TFEC: variants seen among roughly 807,000 people sequenced by gnomAD.
The protein encoded by TFEC is class E basic helix-loop-helix protein 34.
TFEC carries 31 observed loss-of-function variants against 41.6 expected under a neutral mutation model. The ratio of observed to expected loss-of-function variants is 0.74; its 90% CI spans 0.56 to 1.01. TFEC has a LOEUF of 1.01. Ranked by LOEUF, TFEC falls within the 50% of genes least tolerant of loss-of-function variation. TFEC has a pLI of 0.00. For synonymous variants in TFEC, 143 were observed against 140.6 expected, an observed-to-expected ratio of 1.02 and a Z score of -0.12; for missense variants, 402 against 404.1, an observed-to-expected ratio of 0.99 and a Z score of 0.04.
chr7:116,063,964 T>G (rs1050783377), intron 3 of TFEC, among the ~76,000 whole-genome samples: 3 of 152,022 alleles, frequency 2.0e-5, no homozygotes, highest in Non-Finnish European at 4.4e-5. Flanking sequence ...GTACCCAAAG[T>G]GAAATAAGCC....
chr7:116,146,196 CAAGT>C (rs1384338940), intron 1 of TFEC, among the ~76,000 whole-genome samples: 1 of 152,146 alleles, frequency 6.6e-6, no homozygotes, highest in Non-Finnish European at 1.5e-5. Context: ...TCTACAAAGA[CAAGT>C]AAGTCTCAGA....
chr7:116,147,210 AT>A (rs777935130), intron 1 of TFEC, among the ~76,000 whole-genome samples: 24 of 152,208 alleles, frequency 1.6e-4, no homozygotes, highest in Non-Finnish European at 2.9e-4. Context: ...ACATTTCCTA[AT>A]ATGATGAAAG....
At chr7:115,993,302 A>T (rs1451807036) in intron 1 of TFEC, among the ~76,000 whole-genome samples, 1 of 152,252 alleles carries the variant, frequency 6.6e-6, no homozygotes, top group African/African-American at 2.4e-5. Flanking sequence ...GGCACAAGAC[A>T]GAGATGCCCT....
Position 116,110,969 on chromosome 7 carries a change from A to G in TFEC, c.-21-43T>C, listed in dbSNP as rs958923099. On this transcript the variant is annotated intron_variant, in intron 2 of 8. Coordinates refer to the TFEC transcript ENST00000484212. ...AAAAAAGGAGCACTGTAAAACACAT[A>G]CAAAATAATATTTTATCACCTGAGA... 1.2e-5 allele frequency: 14 copies of G among 1,132,098 alleles called. No individual in the cohort carries two copies. The South Asian group carries it at 2.8e-4, about 22-fold the overall frequency. The allele number at this position is 1,132,098 out of a possible 1,614,324, so 70.1% of individuals were successfully genotyped here.
chr7:116,114,867 C>A (rs1185060633), intron 1 of TFEC, among the ~76,000 whole-genome samples: 1 of 152,072 alleles, frequency 6.6e-6, no homozygotes, highest in South Asian at 2.1e-4. Flanking sequence ...AAACATCTCA[C>A]TCTCAAAGAA....
chr7:115,942,066 C>T (rs768557657), intron 6 of TFEC, 26 bp from the exon 7 acceptor site: 33 of 1,586,970 alleles, frequency 2.1e-5, no homozygotes, highest in Non-Finnish European at 7.7e-6. Context: ...ATAACCTTTT[C>T]ACAATTGTGC....
At chr7:115,965,729 A>G (rs1033962250) in intron 3 of TFEC, among the ~76,000 whole-genome samples, 1 of 151,710 alleles carries the variant, frequency 6.6e-6, no homozygotes, top group Non-Finnish European at 1.5e-5. Context: ...GTCCAAAATT[A>G]TTGTAGAAAC....
chr7:116,127,465 G>T (rs1157530709), intron 1 of TFEC, among the ~76,000 whole-genome samples: 1 of 152,122 alleles, frequency 6.6e-6, no homozygotes, highest in Non-Finnish European at 1.5e-5. Flanking sequence ...TGAAAGCAGT[G>T]ATATGTTTGC....
Position 115,982,685 on chromosome 7 carries a change from G to A in TFEC, c.180+1577C>T, listed in dbSNP as rs532568869. Among the ~76,000 whole-genome samples the A allele has an allele frequency of 2.2e-4, 34 of 152,160 alleles. 1 individual carries two copies. In the South Asian group the frequency reaches 5.8e-3, roughly 26 times the overall value. ...AAAAAATTGTCTATAGCCATTGTTC[G>A]TTCACATTGCCCCAAGGCCAGAGCA... On this transcript the variant is annotated intron_variant, in intron 2 of 7. Transcript: ENST00000265440.
intron 5 of TFEC, among the ~76,000 whole-genome samples, chr7:115,951,665 G>T (rs969591636): frequency 6.6e-5 from 10 of 152,060 alleles, no homozygotes; most frequent in African/African-American, 2.4e-4. Flanking sequence ...GGGGACAAGA[G>T]TGGGCAAGAA....
chr7:115,958,799 T>G (rs2130450996), intron 3 of TFEC, among the ~76,000 whole-genome samples: 1 of 150,938 alleles, frequency 6.6e-6, no homozygotes, highest in Admixed American at 6.6e-5. Flanking sequence ...TCCTATTTAA[T>G]TTTATGCTAT....
intron 5 of TFEC, 71 bp downstream of exon 5, chr7:115,954,514 TA>T (rs1792114478): frequency 1.5e-6 from 2 of 1,291,128 alleles, no homozygotes; most frequent in Non-Finnish European, 2.1e-6. Flanking sequence ...TGGAGTATAA[TA>T]AAAGACCACA....
intron 3 of TFEC, among the ~76,000 whole-genome samples, chr7:116,038,340 C>T (rs534108006): frequency 6.6e-6 from 1 of 152,024 alleles, no homozygotes; most frequent in East Asian, 1.9e-4. Context: ...GCCATGATCC[C>T]TTATCATTTC....
intron 3 of TFEC, among the ~76,000 whole-genome samples, chr7:116,086,514 T>C (rs539009889): frequency 6.6e-6 from 1 of 151,984 alleles, no homozygotes; most frequent in Non-Finnish European, 1.5e-5. Context: ...CCACGAGTGA[T>C]GAGGTGATGG....
At chr7:115,954,084 GT>G in intron 5 of TFEC, among the ~76,000 whole-genome samples, 1 of 152,094 alleles carries the variant, frequency 6.6e-6, no homozygotes. Flanking sequence ...TGTTATCAGA[GT>G]CTAATTGACC....
At chr7:116,081,015 G>GTGTGTGTGTGTA (rs1562962557) in intron 3 of TFEC, among the ~76,000 whole-genome samples, 24 of 147,796 alleles carry the variant, frequency 1.6e-4, no homozygotes, top group African/African-American at 6.0e-4. Context: ...GTGTGTGTGT[G>GTGTGTGTGTGTA]TATAAATATA....
chr7:116,130,919 T>C (rs1453284925), intron 1 of TFEC, among the ~76,000 whole-genome samples: 1 of 152,206 alleles, frequency 6.6e-6, no homozygotes, highest in Non-Finnish European at 1.5e-5. Flanking sequence ...GCTTGCACTA[T>C]ATTTCTCAAA....
intron 6 of TFEC, among the ~76,000 whole-genome samples, chr7:115,945,143 T>C (rs1791462735): frequency 6.7e-6 from 1 of 149,966 alleles, no homozygotes; most frequent in Admixed American, 6.7e-5. Context: ...GTATGGTCTT[T>C]TTTTTTTTTC....
chr7:116,135,069 C>T (rs1462970248), intron 1 of TFEC, among the ~76,000 whole-genome samples: 1 of 152,096 alleles, frequency 6.6e-6, no homozygotes, highest in Non-Finnish European at 1.5e-5. Flanking sequence ...CAAAGTCATA[C>T]TATCCCTCCT....
Sources: allele counts gnomAD v4.1 joint callset (sites outside exome capture counted in the v4.1 genomes callset), GRCh38; gene constraint gnomAD v4.1.1; transcripts MANE v1.5; gene names NCBI Gene and HGNC (gene_info 2026-07-23, HGNC 2026-07-21).